SCN8A: variants seen among roughly 807,000 people sequenced by gnomAD.
SCN8A encodes sodium voltage-gated channel alpha subunit 8, also known as sodium channel protein type 8 subunit alpha.
A neutral mutation model predicts 184.1 loss-of-function variants in SCN8A; 30 were observed. The observed-to-expected ratio is 0.16, with a 90% CI of 0.12 to 0.22. The LOEUF is 0.22. Ranked by LOEUF, SCN8A falls within the 10% of genes least tolerant of loss-of-function variation. SCN8A has a pLI of 1.00. For synonymous variants in SCN8A, 852 were observed against 907.0 expected (o/e 0.94, Z 1.09); for missense variants, 1,057 against 2,498.9 (o/e 0.42, Z 12.30).
intron 15 of SCN8A, among the ~76,000 whole-genome samples, chr12:51,764,982 G>GCATTTCA: frequency 6.6e-6 from 1 of 151,718 alleles, no homozygotes; most frequent in Non-Finnish European, 1.5e-5. Flanking sequence ...CACCATGTTG[G>GCATTTCA]CCAGGCTGGT....
chr12:51,680,935 C>T (rs1294933112), intron 2 of SCN8A, among the ~76,000 whole-genome samples: 5 of 151,962 alleles, frequency 3.3e-5, no homozygotes, highest in African/African-American at 9.7e-5. Context: ...ACCCGGGAGG[C>T]GGAGGTTGCA....
intron 1 of SCN8A, among the ~76,000 whole-genome samples, chr12:51,606,907 T>A (rs1939606652): frequency 6.6e-6 from 1 of 151,416 alleles, no homozygotes; most frequent in South Asian, 2.1e-4. Context: ...TTTATTTATT[T>A]TTTTTTTTGA....
At chr12:51,595,142 T>C (rs1291699180) in intron 1 of SCN8A, among the ~76,000 whole-genome samples, 1 of 152,198 alleles carries the variant, frequency 6.6e-6, no homozygotes, top group African/African-American at 2.4e-5. Flanking sequence ...TGAACACTAG[T>C]ACAATGCCTC....
intron 12 of SCN8A, among the ~76,000 whole-genome samples, chr12:51,728,128 C>A (rs1276424122): frequency 6.6e-6 from 1 of 152,146 alleles, no homozygotes; most frequent in Non-Finnish European, 1.5e-5. Flanking sequence ...CCTCTCAGCA[C>A]TTTTAGTGAT....
chr12:51,706,462 A>T lies in SCN8A; in HGVS notation c.1382A>T (p.Asp461Val). 6.2e-7 allele frequency: 1 copy of T among 1,604,194 alleles called. No individual in the cohort carries two copies. Among genetic ancestry groups the T allele is most frequent in the Non-Finnish European group, 8.5e-7 (1 of 1,175,670 alleles). The change falls in exon 11 of 27, where the codon GAT (aspartate) becomes GTT (valine). Residue 461 changes from aspartate to valine, a missense_variant. By Grantham distance (152) the Asp-to-Val change is radical. Coordinates refer to ENST00000627620, the MANE Select transcript of SCN8A (RefSeq NM_001330260.2). ...MATSAGTVSE[D>V]AIEEEGEEGG... Reference sequence around the variant, plus strand: ...ACTTCAGCAGGAACTGTCTCAGAAGATGCCATAGAGGAAGAAGGTGAAGAA... The same window carrying T: ...ACTTCAGCAGGAACTGTCTCAGAAGTTGCCATAGAGGAAGAAGGTGAAGAA...
chr12:51,725,665 A>G lies in SCN8A; in HGVS notation c.1998+3757A>G, dbSNP rs1310366383. On this transcript the variant is annotated intron_variant, in intron 12 of 26. Coordinates refer to ENST00000627620, the MANE Select transcript of SCN8A (RefSeq NM_001330260.2). ...GGAACTTCCTGACAGCTTAAATATT[A>G]GCTCCTTTAGAAAGTGGGAAAAACA... is the stretch of plus-strand genomic sequence containing the variant. 6.6e-5 allele frequency among the ~76,000 whole-genome samples: 10 copies of G among 152,226 alleles called. No homozygotes were observed. The South Asian group carries it at 1.4e-3, about 22-fold the overall frequency.
At chr12:51,593,353 G>A (rs1939273778) in intron 1 of SCN8A, among the ~76,000 whole-genome samples, 1 of 152,182 alleles carries the variant, frequency 6.6e-6, no homozygotes, top group Non-Finnish European at 1.5e-5. Context: ...GTATTGCAAA[G>A]CAGTTCATAA....
chr12:51,795,894 A>C (rs1938392409), intron 26 of SCN8A, among the ~76,000 whole-genome samples: 1 of 151,884 alleles, frequency 6.6e-6, no homozygotes, highest in Non-Finnish European at 1.5e-5. Flanking sequence ...AAAAAAAAAA[A>C]AAATGAGCCA....
chr12:51,605,191 T>C (rs757482550), intron 1 of SCN8A, among the ~76,000 whole-genome samples: 1 of 152,196 alleles, frequency 6.6e-6, no homozygotes, highest in Non-Finnish European at 1.5e-5. Flanking sequence ...AGTGGTGATA[T>C]GTGAGATTTT....
intron 5 of SCN8A, 117 bp downstream of exon 5, chr12:51,687,336 A>G (rs1481276716): frequency 2.5e-6 from 3 of 1,198,616 alleles, no homozygotes; most frequent in African/African-American, 3.0e-5. Context: ...GAATTAATGG[A>G]TAACCATGTA....
intron 1 of SCN8A, among the ~76,000 whole-genome samples, chr12:51,638,976 G>GA (rs964648991): frequency 1.3e-5 from 2 of 152,054 alleles, no homozygotes; most frequent in African/African-American, 2.4e-5. Flanking sequence ...GATGAGCAAA[G>GA]AAAAAATTTT....
intron 9 of SCN8A, among the ~76,000 whole-genome samples, chr12:51,704,081 G>A (rs931589109): frequency 1.1e-4 from 16 of 151,570 alleles, no homozygotes; most frequent in Non-Finnish European, 2.2e-4. Context: ...TAATAGAGAC[G>A]GGGTTTCACC....
chr12:51,803,250 G>A (rs1189643379), intron 26 of SCN8A, among the ~76,000 whole-genome samples: 1 of 152,138 alleles, frequency 6.6e-6, no homozygotes, highest in Non-Finnish European at 1.5e-5. Context: ...GGAGTCTGAT[G>A]TTCCAGGGCA....
At chr12:51,626,851 T>C (rs1045250907) in intron 1 of SCN8A, among the ~76,000 whole-genome samples, 1 of 142,006 alleles carries the variant, frequency 7.0e-6, no homozygotes, top group African/African-American at 3.0e-5. Context: ...TGTAAATTAG[T>C]ATTTATTTAT....
At chr12:51,652,947 G>A (rs1316233040) in intron 1 of SCN8A, among the ~76,000 whole-genome samples, 3 of 152,130 alleles carry the variant, frequency 2.0e-5, no homozygotes, top group African/African-American at 4.8e-5. Flanking sequence ...ATGTTGGGGG[G>A]CATAGTAAAT....
chr12:51,772,559 C>T (rs1021781704), intron 19 of SCN8A, among the ~76,000 whole-genome samples: 3 of 152,084 alleles, frequency 2.0e-5, no homozygotes, highest in African/African-American at 7.2e-5. Flanking sequence ...GGATTTCCAA[C>T]AGATGGGGTT....
At chr12:51,709,927 A>G (rs1439379694) in intron 11 of SCN8A, among the ~76,000 whole-genome samples, 1 of 152,156 alleles carries the variant, frequency 6.6e-6, no homozygotes, top group African/African-American at 2.4e-5. Context: ...ATAACCCCTG[A>G]CAGTTTAGTG....
intron 14 of SCN8A, among the ~76,000 whole-genome samples, chr12:51,755,545 A>G (rs1156266187): frequency 2.6e-5 from 4 of 152,288 alleles, no homozygotes. Context: ...GCTGAGTATC[A>G]GCTGAGGCAG....
chr12:51,722,516 G>T (rs1394155544), intron 12 of SCN8A: 1 of 152,720 alleles, frequency 6.5e-6, no homozygotes, highest in Admixed American at 6.5e-5. Context: ...TCCTCTGCAA[G>T]AATGAGATGT....
Sources: gnomAD v4.1 joint callset for allele counts (sites outside exome capture counted in the v4.1 genomes callset) on GRCh38, gnomAD v4.1.1 for gene constraint, MANE v1.5 for transcripts, NCBI Gene and HGNC (gene_info 2026-07-23, HGNC 2026-07-21) for gene names.